The following PGBD2 variants were observed in gnomAD, a reference collection of about 807,000 sequenced individuals.
PGBD2 encodes the protein piggyBac transposable element derived 2, also known as piggyBac transposable element-derived protein 2.
PGBD2 carries 6 observed loss-of-function variants against 8.1 expected under a neutral mutation model. That is an observed-to-expected ratio of 0.74 (90% CI 0.40 to 1.46). The LOEUF is 1.46. Among genes scored for constraint, PGBD2 ranks in the 40% most tolerant of loss-of-function variants. PGBD2 has a pLI of 0.02. For missense variants in PGBD2, 802 were observed against 739.0 expected (o/e 1.09, Z -0.99); for synonymous variants, 318 against 272.2 (o/e 1.17, Z -1.66).
At chr1:248,919,614 G>A (rs1202821657), downstream of PGBD2, 1 of 166,792 alleles carries the variant, frequency 6.0e-6, no homozygotes, top group Non-Finnish European at 1.5e-5. Context: ...TTAGGAATGG[G>A]ATTCCTGAAT....
the PGBD2 span, among the ~76,000 whole-genome samples, chr1:248,873,017 A>G: frequency 6.6e-6 from 1 of 151,784 alleles, no homozygotes; most frequent in African/African-American, 2.4e-5. Flanking sequence ...CACTCTGTAC[A>G]TGTGATTGTG....
At chr1:248,899,093 C>T in the PGBD2 span, among the ~76,000 whole-genome samples, 1 of 152,050 alleles carries the variant, frequency 6.6e-6, no homozygotes, top group African/African-American at 2.4e-5. Flanking sequence ...GGGGCACCCA[C>T]ATTCTTAAAA....
chr1:248,913,684 A>T (rs1357489550), intron 1 of PGBD2, 132 bp from the exon 2 acceptor site: 2 of 629,782 alleles, frequency 3.2e-6, no homozygotes, highest in Non-Finnish European at 5.7e-6. Context: ...CTGAATAACC[A>T]GTCGACCCAG....
intron 2 of PGBD2, among the ~76,000 whole-genome samples, chr1:248,915,158 T>C (rs1558288049): frequency 6.6e-6 from 1 of 152,254 alleles, no homozygotes; most frequent in Non-Finnish European, 1.5e-5. Context: ...GCTACTTGTC[T>C]GTTGATTTGT....
chr1:248,892,948 C>T, the PGBD2 span, among the ~76,000 whole-genome samples: 9 of 152,208 alleles, frequency 5.9e-5, no homozygotes, highest in African/African-American at 1.4e-4. Flanking sequence ...CATTGTCATA[C>T]GTTGTTGCTT....
chr1:248,907,226 G>A (rs183455485), intron 1 of PGBD2, among the ~76,000 whole-genome samples: 45 of 152,374 alleles, frequency 3.0e-4, no homozygotes, highest in East Asian at 2.1e-3. Flanking sequence ...GCCTGGATGT[G>A]CACGTAGGCC....
At chr1:248,908,024 A>T (rs1490382716) in intron 1 of PGBD2, among the ~76,000 whole-genome samples, 1 of 152,200 alleles carries the variant, frequency 6.6e-6, no homozygotes, top group East Asian at 1.9e-4. Flanking sequence ...AAAAATTCCC[A>T]TGTACGGTTC....
chr1:248,913,700 A>G (rs1398568246), intron 1 of PGBD2, 116 bp from the exon 2 acceptor site: 1 of 680,476 alleles, frequency 1.5e-6, no homozygotes, highest in African/African-American at 1.8e-5. Context: ...CCCAGACACT[A>G]TTAAGGTGGT....
intron 1 of PGBD2, among the ~76,000 whole-genome samples, chr1:248,912,042 G>A (rs943847049): frequency 2.0e-5 from 3 of 152,148 alleles, no homozygotes; most frequent in African/African-American, 4.8e-5. Context: ...TGAATCAGCT[G>A]TCCAGGTGGC....
chr1:248,922,242 G>T (rs954300875), downstream of PGBD2, among the ~76,000 whole-genome samples: 1 of 151,882 alleles, frequency 6.6e-6, no homozygotes, highest in African/African-American at 2.4e-5. Flanking sequence ...TGTATTTTTG[G>T]TAGAGACGGG....
rs1251442312 is a variant in PGBD2, at chr1:248,918,391, T to C, written c.*28T>C. The C allele has an allele frequency of 1.3e-6, 2 of 1,517,444 alleles. No homozygotes were observed. Among genetic ancestry groups the C allele is most frequent in the Admixed American group, 2.3e-5 (1 of 44,428 alleles). The allele number at this position is 1,517,444 out of a possible 1,614,324, so 94.0% of individuals were successfully genotyped here. ...TCATGAGACATGCTTCTTTGGTTTA[T>C]AATGAGATGTTTACAGTTAAATACA... On this transcript the variant is annotated 3_prime_UTR_variant, in exon 3 of 3. Coordinates refer to ENST00000329291, the MANE Select transcript of PGBD2 (RefSeq NM_170725.3).
At chr1:248,902,210 A>G (rs538260604), upstream of PGBD2, among the ~76,000 whole-genome samples, 15 of 151,718 alleles carry the variant, frequency 9.9e-5, no homozygotes, top group African/African-American at 3.6e-4. Context: ...CGAAGGTTGC[A>G]GTGAGCTGAG....
the PGBD2 span, among the ~76,000 whole-genome samples, chr1:248,873,701 G>A: frequency 6.6e-6 from 1 of 152,198 alleles, no homozygotes; most frequent in Non-Finnish European, 1.5e-5. Flanking sequence ...CATTGCAGTC[G>A]CGGCTTTCTC....
chr1:248,903,075 C>T (rs1178038141), upstream of PGBD2, among the ~76,000 whole-genome samples: 1 of 152,200 alleles, frequency 6.6e-6, no homozygotes, highest in Non-Finnish European at 1.5e-5. Context: ...ATTGCCCAGG[C>T]TGGTCTCAAA....
chr1:248,881,669 C>G, the PGBD2 span, among the ~76,000 whole-genome samples: 2 of 152,176 alleles, frequency 1.3e-5, no homozygotes, highest in African/African-American at 4.8e-5. Context: ...AATAGTTAAT[C>G]TATAGCTCCT....
chr1:248,876,340 G>T, the PGBD2 span, among the ~76,000 whole-genome samples: 2 of 152,144 alleles, frequency 1.3e-5, no homozygotes, highest in Non-Finnish European at 2.9e-5. Flanking sequence ...CATTTTGACT[G>T]TCCTAGGTGT....
At chr1:248,898,352 G>T in the PGBD2 span, among the ~76,000 whole-genome samples, 2 of 152,296 alleles carry the variant, frequency 1.3e-5, no homozygotes, top group South Asian at 4.1e-4. Context: ...ATGTTCCTCT[G>T]GGAAGGAGCA....
At position 248,917,508 on chromosome 1, in the gene PGBD2, G is replaced by A; in HGVS notation, c.924G>A (p.Trp308Ter). 1 of 1,614,160 alleles carries A rather than the reference G, an allele frequency of 6.2e-7. No homozygotes were observed. Among genetic ancestry groups the A allele is most frequent in the Non-Finnish European group, 8.5e-7 (1 of 1,180,028 alleles). The change falls in exon 3 of 3, where the codon TGG (tryptophan) becomes TGA (stop). Residue 308 changes from tryptophan (W) to a stop codon, truncating the protein, a stop_gained. Coordinates refer to ENST00000329291, the MANE Select transcript of PGBD2 (RefSeq NM_170725.3). LOFTEE classifies it low-confidence loss of function (END_TRUNC). ...CGTTSRGYLV[W>*]FEPSQGTLFT... ...CAACCAGCAGAGGCTACTTGGTGTG[G>A]TTTGAGCCCTCACAGGGCACACTGT...
chr1:248,909,650 C>T (rs1384752480), intron 1 of PGBD2, among the ~76,000 whole-genome samples: 9 of 152,144 alleles, frequency 5.9e-5, no homozygotes. Flanking sequence ...TTATTAATTT[C>T]AGTCTATTGT....
Sources: allele counts gnomAD v4.1 joint callset (sites outside exome capture counted in the v4.1 genomes callset), GRCh38; gene constraint gnomAD v4.1.1; transcripts MANE v1.5; gene names NCBI Gene and HGNC (gene_info 2026-07-23, HGNC 2026-07-21).